Variants in CNTNAP2 observed in about 807,000 individuals in gnomAD.
CNTNAP2 encodes contactin associated protein 2, also known as contactin-associated protein-like 2.
Under a neutral mutation model 155.2 loss-of-function variants are expected in CNTNAP2, and 98 were observed. That is an observed-to-expected ratio of 0.63 (90% CI 0.54 to 0.75). The LOEUF (loss-of-function observed/expected upper bound fraction) is 0.75. Ranked by LOEUF, CNTNAP2 falls within the 30% of genes least tolerant of loss-of-function variation. The pLI, the probability that CNTNAP2 is intolerant of heterozygous loss-of-function variation, is 0.00. For synonymous variants in CNTNAP2, 651 were observed against 631.2 expected (o/e 1.03, Z -0.47); for missense variants, 1,727 against 1,688.1 (o/e 1.02, Z -0.40).
At chr7:146,329,627 A>G (rs1026540657) in intron 1 of CNTNAP2, among the ~76,000 whole-genome samples, 1 of 152,232 alleles carries the variant, frequency 6.6e-6, no homozygotes, top group South Asian at 2.1e-4. Context: ...CTCAGCTTCG[A>G]TTTTTATTAT....
At chr7:148,108,965 G>A (rs1436664497) in intron 15 of CNTNAP2, among the ~76,000 whole-genome samples, 1 of 152,080 alleles carries the variant, frequency 6.6e-6, no homozygotes, top group Non-Finnish European at 1.5e-5. Context: ...ATTATACATT[G>A]TCAATTTATG....
At chr7:146,727,905 G>C (rs1801458672) in intron 1 of CNTNAP2, among the ~76,000 whole-genome samples, 1 of 152,112 alleles carries the variant, frequency 6.6e-6, no homozygotes. Context: ...ACTACTCATG[G>C]GAGATTTTAT....
chr7:148,001,300 G>T, intron 15 of CNTNAP2, among the ~76,000 whole-genome samples: 1 of 152,192 alleles, frequency 6.6e-6, no homozygotes. Flanking sequence ...CTGGGTCCTA[G>T]CCTTCAGCCT....
chr7:147,102,754 T>C (rs527738988), intron 4 of CNTNAP2, among the ~76,000 whole-genome samples: 1 of 152,316 alleles, frequency 6.6e-6, no homozygotes, highest in East Asian at 1.9e-4. Context: ...ATTTTATCTG[T>C]TTAGGTTTAT....
intron 10 of CNTNAP2, among the ~76,000 whole-genome samples, chr7:147,481,136 A>G (rs1798415932): frequency 6.6e-6 from 1 of 152,196 alleles, no homozygotes; most frequent in South Asian, 2.1e-4. Flanking sequence ...TTTAAAGGTA[A>G]CACAAAGACA....
intron 2 of CNTNAP2, among the ~76,000 whole-genome samples, chr7:146,798,699 C>T (rs1341118879): frequency 2.0e-5 from 3 of 152,138 alleles, no homozygotes; most frequent in Non-Finnish European, 2.9e-5. Flanking sequence ...TTCTGGTTAA[C>T]AACTGACAAT....
intron 2 of CNTNAP2, among the ~76,000 whole-genome samples, chr7:146,783,581 G>T (rs998635617): frequency 3.1e-4 from 47 of 152,118 alleles, no homozygotes; most frequent in African/African-American, 1.1e-3. Context: ...CATTTTGTTT[G>T]GGCATACCTT....
chr7:147,468,822 T>G (rs923139406), intron 10 of CNTNAP2, among the ~76,000 whole-genome samples: 2 of 84,704 alleles, frequency 2.4e-5, no homozygotes, highest in East Asian at 3.4e-4. Context: ...TTATTTTCTT[T>G]TTTCTTCTTC....
intron 13 of CNTNAP2, among the ~76,000 whole-genome samples, chr7:147,882,082 A>G (rs957129264): frequency 9.2e-5 from 14 of 152,198 alleles, no homozygotes; most frequent in African/African-American, 3.1e-4. Flanking sequence ...CAATATATGC[A>G]ATGTAAAGAA....
At chr7:148,410,032 A>C (rs375754246) in intron 23 of CNTNAP2, among the ~76,000 whole-genome samples, 1 of 30,484 alleles carries the variant, frequency 3.3e-5, no homozygotes, top group Non-Finnish European at 7.1e-5. Flanking sequence ...GCCTGGGCTA[A>C]AGAGCGGGAC....
intron 9 of CNTNAP2, among the ~76,000 whole-genome samples, chr7:147,332,754 C>A (rs563080979): frequency 6.6e-6 from 1 of 151,978 alleles, no homozygotes; most frequent in South Asian, 2.1e-4. Context: ...CCCAGCTACT[C>A]GGGAGGCTGA....
At chr7:146,438,921 A>G (rs1303537085) in intron 1 of CNTNAP2, among the ~76,000 whole-genome samples, 1 of 151,468 alleles carries the variant, frequency 6.6e-6, no homozygotes, top group Admixed American at 6.6e-5. Context: ...CATAGATTTT[A>G]ATGCCTCTAA....
chr7:146,941,293 C>T (rs894286714), intron 3 of CNTNAP2, among the ~76,000 whole-genome samples: 3 of 151,928 alleles, frequency 2.0e-5, no homozygotes, highest in Admixed American at 6.6e-5. Flanking sequence ...TATCATGAAG[C>T]TTGCAAAAGT....
At chr7:147,596,771 A>G (rs1400027625) in intron 12 of CNTNAP2, among the ~76,000 whole-genome samples, 1 of 152,196 alleles carries the variant, frequency 6.6e-6, no homozygotes, top group Non-Finnish European at 1.5e-5. Flanking sequence ...TCTAAGTCAC[A>G]GGATGGAATA....
chr7:146,644,108 C>G (rs1799765440), intron 1 of CNTNAP2, among the ~76,000 whole-genome samples: 1 of 152,198 alleles, frequency 6.6e-6, no homozygotes, highest in African/African-American at 2.4e-5. Flanking sequence ...CGTCTGCAAA[C>G]AGGGACAATT....
intron 21 of CNTNAP2, among the ~76,000 whole-genome samples, chr7:148,365,616 G>A (rs1249014875): frequency 6.6e-6 from 1 of 152,036 alleles, no homozygotes; most frequent in Admixed American, 6.5e-5. Flanking sequence ...AGTGAACCAA[G>A]ATCGCACCAT....
intron 15 of CNTNAP2, among the ~76,000 whole-genome samples, chr7:148,091,252 A>G (rs1803835041): frequency 6.6e-6 from 1 of 152,196 alleles, no homozygotes; most frequent in Non-Finnish European, 1.5e-5. Context: ...AATTTTTCAG[A>G]TAACGCATGT....
At chr7:147,218,285 T>C (rs1803318430) in intron 8 of CNTNAP2, among the ~76,000 whole-genome samples, 1 of 151,850 alleles carries the variant, frequency 6.6e-6, no homozygotes. Flanking sequence ...ACTGTAAATG[T>C]CCCTCAAAGC....
chr7:147,757,139 C>A (rs557401845), intron 13 of CNTNAP2, among the ~76,000 whole-genome samples: 41 of 152,282 alleles, frequency 2.7e-4, no homozygotes, highest in Middle Eastern at 3.4e-3. Context: ...CTTCCTCTTG[C>A]CCCCTGCAAA....
Sources: gnomAD v4.1 joint callset for allele counts (sites outside exome capture counted in the v4.1 genomes callset) on GRCh38, gnomAD v4.1.1 for gene constraint, MANE v1.5 for transcripts, NCBI Gene and HGNC (gene_info 2026-07-23, HGNC 2026-07-21) for gene names.